Variants in CACNA2D3 observed in about 807,000 individuals in gnomAD.
CACNA2D3 encodes the protein voltage-dependent calcium channel subunit alpha-2/delta-3.
CACNA2D3 carries 60 observed loss-of-function variants against 160.6 expected under a neutral mutation model. That is an observed-to-expected ratio of 0.37 (90% CI 0.30 to 0.46). The LOEUF is 0.46. CACNA2D3 is among the 20% of genes least tolerant of loss of function. The pLI is 1.00. For synonymous variants in CACNA2D3, 558 were observed against 492.9 expected (o/e 1.13, Z -1.75); for missense variants, 1,205 against 1,365.0 (o/e 0.88, Z 1.85).
intron 14 of CACNA2D3, among the ~76,000 whole-genome samples, chr3:54,824,126 A>T (rs1703699182): frequency 6.6e-6 from 1 of 152,236 alleles, no homozygotes; most frequent in Non-Finnish European, 1.5e-5. Context: ...AATCAGAAGG[A>T]CAAAGGTTTA....
At chr3:54,538,128 C>T (rs1229427477) in intron 5 of CACNA2D3, among the ~76,000 whole-genome samples, 2 of 152,122 alleles carry the variant, frequency 1.3e-5, no homozygotes, top group Non-Finnish European at 2.9e-5. Flanking sequence ...AGACAAGTCA[C>T]ATCACCTCCT....
At chr3:54,461,753 G>C (rs2106844241) in intron 4 of CACNA2D3, among the ~76,000 whole-genome samples, 1 of 152,014 alleles carries the variant, frequency 6.6e-6, no homozygotes, top group South Asian at 2.1e-4. Context: ...ATTTTTTGAA[G>C]GGTTTTTTGT....
At chr3:54,981,530 G>A (rs1158544780) in intron 29 of CACNA2D3, among the ~76,000 whole-genome samples, 2 of 149,642 alleles carry the variant, frequency 1.3e-5, no homozygotes, top group African/African-American at 4.8e-5. Flanking sequence ...AAAAAGGAGA[G>A]AGAGAGAGAA....
In CACNA2D3 at chr3:54,932,980, C is replaced by CG. The variant is rs537139309; in HGVS notation, c.2449+33114dup. ...TTCCTAGGAATTGTGGATGACCAAA[C>CG]GGCACCCAGGTACACAGTTTATACA... On this transcript the variant is annotated intron_variant, in intron 27 of 37. Transcript: ENST00000474759. Among the ~76,000 whole-genome samples, 40 of 152,252 alleles carry CG rather than the reference C, an allele frequency of 2.6e-4. 1 individual carries two copies. The South Asian group carries it at 7.7e-3, about 29-fold the overall frequency.
chr3:54,830,945 C>T (rs867086263), intron 14 of CACNA2D3, among the ~76,000 whole-genome samples: 11 of 151,966 alleles, frequency 7.2e-5, no homozygotes, highest in Admixed American at 4.6e-4. Context: ...GCAGAAACAC[C>T]GCTGCGTATT....
chr3:55,020,799 C>A (rs773265597), intron 35 of CACNA2D3, among the ~76,000 whole-genome samples: 1 of 149,852 alleles, frequency 6.7e-6, no homozygotes, highest in Non-Finnish European at 1.5e-5. Flanking sequence ...TGCAGTGAGC[C>A]AATATCTCAG....
intron 11 of CACNA2D3, among the ~76,000 whole-genome samples, chr3:54,738,064 G>C (rs2107033898): frequency 6.6e-6 from 1 of 152,340 alleles, no homozygotes; most frequent in Non-Finnish European, 1.5e-5. Context: ...CTTCAAGTGA[G>C]AGGCATTGGT....
intron 11 of CACNA2D3, among the ~76,000 whole-genome samples, chr3:54,689,226 G>T (rs1449748744): frequency 6.6e-6 from 1 of 152,060 alleles, no homozygotes; most frequent in African/African-American, 2.4e-5. Flanking sequence ...GGATACTGAG[G>T]CCTGTTGGTT....
In CACNA2D3 at chr3:54,984,587, GTT is replaced by G; in HGVS notation, c.2557-12_2557-11del. The G allele has an allele frequency of 3.0e-6, 4 of 1,337,384 alleles. No individual in the cohort carries two copies. Among genetic ancestry groups the G allele is most frequent in the East Asian group, 2.7e-5 (1 of 36,570 alleles). The allele number at this position is 1,337,384 out of a possible 1,614,324, so 82.8% of individuals were successfully genotyped here. On this transcript the variant is annotated intron_variant, in intron 29 of 37. Transcript: ENST00000474759. ...AAGTTGAAGCTGTTTTTTTGTTTTT[GTT>G]TTTTTTTTAATTTTCTAGACTGTGA... is the stretch of plus-strand genomic sequence containing the variant.
chr3:54,332,487 A>G (rs1017628968), intron 3 of CACNA2D3, among the ~76,000 whole-genome samples: 1 of 152,230 alleles, frequency 6.6e-6, no homozygotes, highest in Non-Finnish European at 1.5e-5. Context: ...GTGAGCATGC[A>G]TGTGTATTTA....
chr3:54,464,767 G>A (rs1176959884), intron 4 of CACNA2D3, among the ~76,000 whole-genome samples: 2 of 152,154 alleles, frequency 1.3e-5, no homozygotes, highest in Non-Finnish European at 2.9e-5. Flanking sequence ...CTAGCGCACG[G>A]TGCGCTGCAC....
chr3:54,654,848 A>T (rs1249023659), intron 11 of CACNA2D3, among the ~76,000 whole-genome samples: 2 of 152,212 alleles, frequency 1.3e-5, no homozygotes, highest in Admixed American at 6.5e-5. Flanking sequence ...CCCTGCTAGG[A>T]TGAAGGCGTT....
intron 5 of CACNA2D3, among the ~76,000 whole-genome samples, chr3:54,532,789 T>G (rs1701825945): frequency 6.6e-6 from 1 of 152,240 alleles, no homozygotes; most frequent in African/African-American, 2.4e-5. Context: ...TTTGATATAC[T>G]GACTTCTTTT....
At chr3:54,548,194 C>T (rs1702095983) in intron 5 of CACNA2D3, among the ~76,000 whole-genome samples, 1 of 152,210 alleles carries the variant, frequency 6.6e-6, no homozygotes, top group Non-Finnish European at 1.5e-5. Context: ...AGGACATCTC[C>T]AGTCCTGCCC....
At chr3:54,551,122 C>T (rs1702149763) in intron 5 of CACNA2D3, among the ~76,000 whole-genome samples, 1 of 152,192 alleles carries the variant, frequency 6.6e-6, no homozygotes, top group Non-Finnish European at 1.5e-5. Context: ...TTCCCCCTGT[C>T]CCCATTTCTC....
rs142761453 is a variant in CACNA2D3 at position 54,356,265 on chromosome 3, T to C, written c.322-30450T>C. On this transcript the variant is annotated intron_variant, in intron 3 of 37. Coordinates refer to ENST00000474759, the MANE Select transcript of CACNA2D3 (RefSeq NM_018398.3). Reference sequence around the variant, plus strand: ...CTTATGGGGTGGTGTTTCAAAATTATCCTTTTTGGCCCTCTCTGTGTGGGC... The same window carrying C: ...CTTATGGGGTGGTGTTTCAAAATTACCCTTTTTGGCCCTCTCTGTGTGGGC... 5.9e-3 allele frequency among the ~76,000 whole-genome samples: 904 copies of C among 152,296 alleles called. 4 individuals carry two copies. Among genetic ancestry groups the C allele is most frequent in the South Asian group, 0.021 (99 of 4,820 alleles).
intron 4 of CACNA2D3, among the ~76,000 whole-genome samples, chr3:54,393,604 G>C (rs553428259): frequency 9.8e-5 from 15 of 152,354 alleles, no homozygotes; most frequent in African/African-American, 3.1e-4. Context: ...CAGAGCTTAA[G>C]CAGAAGCAGC....
intron 29 of CACNA2D3, among the ~76,000 whole-genome samples, chr3:54,974,352 A>G (rs1015955040): frequency 2.6e-5 from 4 of 152,190 alleles, no homozygotes; most frequent in African/African-American, 7.2e-5. Context: ...TGCTATCTCC[A>G]TCTTTCAGAT....
At chr3:54,307,374 G>T (rs1268358730) in intron 2 of CACNA2D3, among the ~76,000 whole-genome samples, 3 of 152,190 alleles carry the variant, frequency 2.0e-5, no homozygotes, top group African/African-American at 7.2e-5. Context: ...AAGGTCACCT[G>T]CTGCAATCTC....
Sources: gnomAD v4.1 joint callset for allele counts (sites outside exome capture counted in the v4.1 genomes callset) on GRCh38, gnomAD v4.1.1 for gene constraint, MANE v1.5 for transcripts, NCBI Gene and HGNC (gene_info 2026-07-23, HGNC 2026-07-21) for gene names.